Variants in TMEM130 observed in about 807,000 individuals in gnomAD.
TMEM130 encodes the protein transmembrane protein 130.
Under a neutral mutation model 42.9 loss-of-function variants are expected in TMEM130, and 37 were observed. The observed-to-expected ratio is 0.86, with a 90% CI of 0.66 to 1.13. The LOEUF (loss-of-function observed/expected upper bound fraction) is 1.13, where lower values mean the gene tolerates loss of function less well. Among genes scored for constraint, TMEM130 ranks in the 50% most tolerant of loss-of-function variants. TMEM130 has a pLI of 0.00. For missense variants in TMEM130, 545 were observed against 562.6 expected, an observed-to-expected ratio of 0.97 and a Z score of 0.32; for synonymous variants, 259 against 237.7, an observed-to-expected ratio of 1.09 and a Z score of -0.82.
intron 3 of TMEM130, among the ~76,000 whole-genome samples, chr7:98,857,337 C>T (rs2053679989): frequency 6.6e-6 from 1 of 152,132 alleles, no homozygotes; most frequent in Non-Finnish European, 1.5e-5. Context: ...CCCCCAACAT[C>T]TCAATGCAAC....
rs1028341433 is a variant in TMEM130 at position 98,856,196 on chromosome 7, A to C, written c.552-13T>G. 1.2e-6 allele frequency: 2 copies of C among 1,611,938 alleles called. No homozygotes were observed. The highest frequency in any genetic ancestry group is 1.3e-5 in the African/African-American group (1 of 74,932). On this transcript the variant is annotated splice_polypyrimidine_tract_variant and intron_variant, in intron 3 of 7. Transcript: ENST00000339375. The stretch of plus-strand genomic sequence containing the variant: ...CACCATCTGGGTCCTGTTAGGAGAC[A>C]GGGAGGAGAGAGGAGGAAGACAGCA...
chr7:98,852,228 C>T (rs1794526725), intron 5 of TMEM130, among the ~76,000 whole-genome samples: 1 of 152,060 alleles, frequency 6.6e-6, no homozygotes, highest in African/African-American at 2.4e-5. Flanking sequence ...GCAACCTTCA[C>T]CTCCCGGGTT....
In TMEM130 at chr7:98,869,167, C is replaced by T; in HGVS notation, c.85+610G>A. 3 of 1,280,480 alleles carry T rather than the reference C, an allele frequency of 2.3e-6. No individual in the cohort carries two copies. The South Asian group carries it at 3.8e-5, about 16-fold the overall frequency. The allele number at this position is 1,280,480 out of a possible 1,614,324, so 79.3% of individuals were successfully genotyped here. ...TGGGGAAGTGGGGGCAGTAGACACA[C>T]AACCCTGCTTCCCCCACTCCCCCAC... On this transcript the variant is annotated intron_variant, in intron 1 of 7. Coordinates refer to ENST00000339375, the MANE Select transcript of TMEM130 (RefSeq NM_152913.3). The surrounding 1 kb of genome is among the most constrained non-coding windows in gnomAD (Gnocchi z 4.7).
At chr7:98,866,703 G>C (rs2116140861) in intron 1 of TMEM130, 1 of 152,334 alleles carries the variant, frequency 6.6e-6, no homozygotes, top group East Asian at 1.9e-4. Context: ...TGTCCCTGTG[G>C]GGGACTCCAG....
rs781846645 is a variant in TMEM130, at chr7:98,869,814, G to A, written c.48C>T (p.Ala16=). 6.9e-7 allele frequency: 1 copy of A among 1,445,624 alleles called. No homozygotes were observed. The highest frequency in any genetic ancestry group is 9.1e-7 in the Non-Finnish European group (1 of 1,100,124). The allele number at this position is 1,445,624 out of a possible 1,614,324, so 89.5% of individuals were successfully genotyped here. ...WSRLGRILWL[A]CLLPWAPAGV... The stretch of plus-strand genomic sequence containing the variant: ...CTGCCGGGGCCCAGGGCAGGAGGCA[G>A]GCAAGCCAGAGGATGCGGCCGAGGC... The change falls in exon 1 of 8, where the codon GCC becomes GCT. Residue 16 remains alanine, a synonymous_variant. Coordinates refer to ENST00000339375, the MANE Select transcript of TMEM130 (RefSeq NM_152913.3). The surrounding 1 kb of genome is among the most constrained non-coding windows in gnomAD (Gnocchi z 4.7).
rs572281378 is a variant in TMEM130, at chr7:98,869,529, TG to T, written c.85+247del. 3.3e-5 allele frequency among the ~76,000 whole-genome samples: 5 copies of T among 151,956 alleles called. No individual in the cohort carries two copies. The highest frequency in any genetic ancestry group is 2.1e-4 in the South Asian group (1 of 4,810). ...CGCGGTTTCCAGGGCAGGGCCAGCC[TG>T]GGGGGGTGGAAGCAGGAATCCAGGG... On this transcript the variant is annotated intron_variant, in intron 1 of 7. Transcript: ENST00000339375. The surrounding 1 kb of genome is among the most constrained non-coding windows in gnomAD (Gnocchi z 4.7).
At chr7:98,862,889 G>A (rs1370362099) in intron 2 of TMEM130, among the ~76,000 whole-genome samples, 1 of 152,160 alleles carries the variant, frequency 6.6e-6, no homozygotes, top group Non-Finnish European at 1.5e-5. Context: ...AGCAATAGGC[G>A]TCCCTTTTAG....
At chr7:98,865,087 C>T (rs574909259) in intron 1 of TMEM130, among the ~76,000 whole-genome samples, 15 of 152,350 alleles carry the variant, frequency 9.8e-5, no homozygotes, top group South Asian at 4.1e-4. Flanking sequence ...ACCAGCACAA[C>T]GCTTGGCACA....
Position 98,855,308 on chromosome 7 carries a change from G to C in TMEM130, c.735C>G (p.Ile245Met), listed in dbSNP as rs1331782777. 6.2e-7 allele frequency: 1 copy of C among 1,612,858 alleles called. No individual in the cohort carries two copies. Among genetic ancestry groups the C allele is most frequent in the Non-Finnish European group, 8.5e-7 (1 of 1,179,408 alleles). ...SLKLQETLRG[I>M]QVLGPTLIQT... is the part of the protein sequence containing the mutation. ...GAATTAGGGTGGGCCCCAACACTTG[G>C]ATGCCTCGAAGGGTTTCTGTAAGGC... The change falls in exon 5 of 8, where the codon ATC (isoleucine) becomes ATG (methionine). Residue 245 changes from isoleucine (I) to methionine (M), a missense_variant. Physicochemically the swap from Ile to Met is conservative, Grantham distance 10. Transcript: ENST00000339375.
intron 6 of TMEM130, among the ~76,000 whole-genome samples, chr7:98,850,273 A>ATATATATTTTTTTTTTTTTTTTTTTTTT: frequency 8.5e-4 from 30 of 35,434 alleles, no homozygotes; most frequent in Non-Finnish European, 1.4e-3. Context: ...ATATATATAT[A>ATATATATTTTTTTTTTTTTTTTTTTTTT]TTTTTTTTTT....
intron 3 of TMEM130, among the ~76,000 whole-genome samples, chr7:98,858,419 G>C (rs1794682460): frequency 6.6e-6 from 1 of 151,964 alleles, no homozygotes; most frequent in Admixed American, 6.6e-5. Context: ...GTACATGCCT[G>C]TGGTCCCAGC....
At chr7:98,863,436 G>A (rs1794834842) in intron 1 of TMEM130, 36 bp from the exon 2 acceptor site, 2 of 1,526,108 alleles carry the variant, frequency 1.3e-6, no homozygotes, top group Non-Finnish European at 1.8e-6. Flanking sequence ...GTTTCAGAAT[G>A]GTGTGTGGCA....
At chr7:98,857,948 G>T (rs990261587) in intron 3 of TMEM130, among the ~76,000 whole-genome samples, 4 of 151,542 alleles carry the variant, frequency 2.6e-5, no homozygotes, top group Admixed American at 1.3e-4. Flanking sequence ...TGCCATTTTG[G>T]CCAGGCTGGT....
chr7:98,865,746 G>C (rs895541523), intron 1 of TMEM130: 1 of 152,298 alleles, frequency 6.6e-6, no homozygotes, highest in African/African-American at 2.4e-5. Flanking sequence ...AGGGGGGAGG[G>C]GGATGAAAAC....
Position 98,869,774 on chromosome 7 carries a change from T to G in TMEM130, c.85+3A>C. ...AGGGAGGCCGGATTGCCCAGCGCCT[T>G]ACCTGCGGCCACCCCTGCCGGGGCC... On this transcript the variant is annotated splice_donor_region_variant and intron_variant, in intron 1 of 7. Coordinates refer to ENST00000339375, the MANE Select transcript of TMEM130 (RefSeq NM_152913.3). This position sits in a 1 kb window ranked among gnomAD's most constrained non-coding sequence, Gnocchi z 4.7. 7.1e-7 allele frequency: 1 copy of G among 1,402,234 alleles called. No homozygotes were observed. Among genetic ancestry groups the G allele is most frequent in the Admixed American group, 3.1e-5 (1 of 32,198 alleles). The allele number at this position is 1,402,234 out of a possible 1,614,324, so 86.9% of individuals were successfully genotyped here. A position where few individuals can be genotyped will look rare whatever the true frequency, so the allele number is the denominator to read the frequency against.
intron 7 of TMEM130, 121 bp from the exon 8 acceptor site, chr7:98,848,329 C>A: frequency 8.5e-7 from 1 of 1,180,604 alleles, no homozygotes; most frequent in Non-Finnish European, 1.2e-6. Flanking sequence ...TGCCTGGTGG[C>A]AGAGTGCACA....
In TMEM130 at chr7:98,856,029, G is replaced by A. The variant is rs782592286; in HGVS notation, c.706C>T (p.Leu236=). The part of the protein sequence containing the change: ...KQKTGDFSAS[L]KLQETLRGIQ... ...CCTGGACACCCACCCTGCAGCTTCA[G>A]CGAGGCGGAGAAGTCCCCGGTCTTC... Residue 236 remains leucine (L), a synonymous_variant, in exon 4 of 8, where the codon CTG becomes TTG. Transcript: ENST00000339375. The A allele has an allele frequency of 9.3e-6, 15 of 1,612,896 alleles. No individual in the cohort carries two copies. Among genetic ancestry groups the A allele is most frequent in the Admixed American group, 1.7e-5 (1 of 59,982 alleles).
At position 98,848,103 on chromosome 7, in the gene TMEM130, C is replaced by G. The variant is rs573265805; in HGVS notation, c.1225G>C (p.Gly409Arg). ...GACTTATAGAGGGGCGGGAGCAGCCCGTGGTTCTCACGAACAATTTCCAGG... is the reference window on the plus strand; with the variant it reads ...GACTTATAGAGGGGCGGGAGCAGCCGGTGGTTCTCACGAACAATTTCCAGG... ...EYLEIVRENH[G>R]LLPPLYKSVK... The change falls in exon 8 of 8, where the codon GGG becomes CGG. Residue 409 changes from glycine (G) to arginine (R), a missense_variant. By Grantham distance (125) the Gly-to-Arg change is moderately radical (BLOSUM62 -2). Coordinates refer to ENST00000339375, the MANE Select transcript of TMEM130 (RefSeq NM_152913.3). 1.8e-5 allele frequency: 29 copies of G among 1,614,058 alleles called. No individual in the cohort carries two copies. Among genetic ancestry groups the G allele is most frequent in the Middle Eastern group, 1.7e-4 (1 of 6,058 alleles).
intron 5 of TMEM130, among the ~76,000 whole-genome samples, chr7:98,852,912 A>T (rs1038382564): frequency 6.6e-6 from 1 of 152,148 alleles, no homozygotes; most frequent in Non-Finnish European, 1.5e-5. Context: ...AGCATTCTTA[A>T]TGAGGTAGCC....
Sources: gnomAD v4.1 joint callset for allele counts (sites outside exome capture counted in the v4.1 genomes callset) on GRCh38, gnomAD v4.1.1 for gene constraint, Gnocchi (gnomAD v3.1) non-coding constraint, MANE v1.5 for transcripts, NCBI Gene and HGNC (gene_info 2026-07-23, HGNC 2026-07-21) for gene names.